FRS2: variants seen among roughly 807,000 people sequenced by gnomAD.
FRS2 encodes FGFR signalling adaptor.
In FRS2, 8 loss-of-function variants were observed where a neutral mutation model predicts 43.9. The observed-to-expected ratio is 0.18, with a 90% confidence interval of 0.11 to 0.33. The LOEUF (loss-of-function observed/expected upper bound fraction) is 0.33. Among genes scored for constraint, FRS2 ranks in the 10% least tolerant of loss-of-function variants. FRS2 has a pLI of 1.00. For synonymous variants in FRS2, 219 were observed against 220.3 expected (o/e 0.99, Z 0.05); for missense variants, 534 against 627.6 (o/e 0.85, Z 1.59).
At position 69,485,176 on chromosome 12, in the gene FRS2, TTTA is replaced by T. The variant is rs939435221; in HGVS notation, c.-261+14649_-261+14651del. On this transcript the variant is annotated intron_variant, in intron 1 of 8. Coordinates refer to ENST00000549921, the MANE Select transcript of FRS2 (RefSeq NM_001278356.2). ...AACTCTTAAAACAGAAGTTTACTTA[TTTA>T]TTTATTTATTTATTTATTTTTGAGA... Among the ~76,000 whole-genome samples the T allele has an allele frequency of 9.4e-5, 4 of 42,446 alleles. No homozygotes were observed. In the African/African-American group the frequency reaches 2.8e-3, roughly 30 times the overall value. 27.8% of individuals were successfully genotyped at this position (42,446 alleles called of 152,430 possible).
chr12:69,557,619 T>TGCGCGCGCGCGC (rs529133007), intron 3 of FRS2, among the ~76,000 whole-genome samples: 42 of 118,960 alleles, frequency 3.5e-4, no homozygotes, highest in African/African-American at 9.1e-4. Flanking sequence ...TGTGTGTGTG[T>TGCGCGCGCGCGC]GCGCGCGCGC....
At chr12:69,520,376 G>GTTTTTT (rs112572825) in intron 1 of FRS2, among the ~76,000 whole-genome samples, 11 of 110,026 alleles carry the variant, frequency 1.0e-4, no homozygotes, top group Non-Finnish European at 1.6e-4. Flanking sequence ...TCTATTATTA[G>GTTTTTT]TTTTTTTTTT....
intron 1 of FRS2, among the ~76,000 whole-genome samples, chr12:69,495,850 T>G (rs1413239060): frequency 6.6e-6 from 1 of 152,138 alleles, no homozygotes; most frequent in Non-Finnish European, 1.5e-5. Context: ...GAGGATTGAT[T>G]GAGCCTAGGA....
chr12:69,572,311 AATG>A lies in FRS2; in HGVS notation c.576+33_576+35del, dbSNP rs764091932. 8.5e-5 allele frequency: 134 copies of A among 1,571,158 alleles called. 1 individual carries two copies. Among genetic ancestry groups the A allele is most frequent in the South Asian group, 7.5e-4 (67 of 89,470 alleles). ...GCATGTGCTACTGTGTAACAGCAAT[AATG>A]ATTGTTCAGAGTTAGGGTATCACTG... On this transcript the variant is annotated intron_variant, in intron 8 of 8. Transcript: ENST00000549921.
intron 1 of FRS2, among the ~76,000 whole-genome samples, chr12:69,491,855 C>T (rs1014195707): frequency 3.9e-5 from 6 of 152,080 alleles, no homozygotes; most frequent in South Asian, 4.2e-4. Flanking sequence ...ATATTTTGCC[C>T]GTGCAAGTAC....
At chr12:69,561,843 T>C (rs1879904782) in intron 3 of FRS2, among the ~76,000 whole-genome samples, 1 of 152,146 alleles carries the variant, frequency 6.6e-6, no homozygotes, top group Non-Finnish European at 1.5e-5. Flanking sequence ...GAATGGAACC[T>C]TAGAGGTGGT....
At chr12:69,508,182 A>AT (rs1225461213) in intron 1 of FRS2, among the ~76,000 whole-genome samples, 2 of 152,146 alleles carry the variant, frequency 1.3e-5, no homozygotes, top group African/African-American at 4.8e-5. Context: ...ATCATTTGAC[A>AT]TTCAGACTTA....
chr12:69,535,056 A>G (rs1877145409), intron 3 of FRS2, among the ~76,000 whole-genome samples: 1 of 152,160 alleles, frequency 6.6e-6, no homozygotes, highest in Non-Finnish European at 1.5e-5. Flanking sequence ...TTTCAGAATG[A>G]TTTGGAAATT....
rs764482280 is a variant in FRS2, at chr12:69,574,804, C to T, written c.1376C>T (p.Pro459Leu). Residue 459 changes from proline to leucine, a missense_variant, in exon 9 of 9, where the codon CCC (proline) becomes CTC (leucine). By Grantham distance (98) the Pro-to-Leu change is moderately conservative. Coordinates refer to ENST00000549921, the MANE Select transcript of FRS2 (RefSeq NM_001278356.2). ...NPQTPKTPTT[P>L]LPQTPTRRTE... Reference sequence around the variant, plus strand: ...CAGACTCCAAAAACGCCTACAACTCCCCTTCCACAAACCCCTACCAGGCGC... The same window carrying T: ...CAGACTCCAAAAACGCCTACAACTCTCCTTCCACAAACCCCTACCAGGCGC... The T allele has an allele frequency of 7.4e-6, 12 of 1,613,980 alleles. 1 individual carries two copies. The East Asian group carries it at 2.7e-4, about 36-fold the overall frequency.
chr12:69,542,973 T>A (rs1197822197), intron 3 of FRS2, among the ~76,000 whole-genome samples: 2 of 152,142 alleles, frequency 1.3e-5, no homozygotes, highest in African/African-American at 4.8e-5. Flanking sequence ...TCTTCAGGAG[T>A]TACATCTGCT....
intron 1 of FRS2, among the ~76,000 whole-genome samples, chr12:69,501,620 G>A (rs1181862205): frequency 6.6e-6 from 1 of 152,206 alleles, no homozygotes; most frequent in African/African-American, 2.4e-5. Flanking sequence ...CAAATTAGAT[G>A]TTAAGTGTTA....
chr12:69,485,133 A>ACACACACT (rs1871774928), intron 1 of FRS2, among the ~76,000 whole-genome samples: 1 of 146,778 alleles, frequency 6.8e-6, no homozygotes, highest in Non-Finnish European at 1.5e-5. Context: ...ACACACACAC[A>ACACACACT]CACTCTCACC....
intron 1 of FRS2, among the ~76,000 whole-genome samples, chr12:69,525,410 C>G (rs148749333): frequency 2.0e-5 from 3 of 152,206 alleles, no homozygotes; most frequent in East Asian, 1.9e-4. Flanking sequence ...TATCTATGTG[C>G]TCTGTGATCT....
At chr12:69,569,199 C>G in intron 5 of FRS2, 103 bp downstream of exon 5, 1 of 623,484 alleles carries the variant, frequency 1.6e-6, no homozygotes, top group East Asian at 3.0e-5. Context: ...CCAAACCTTT[C>G]TATTTCCCTT....
rs1555189565 is a variant in FRS2, at chr12:69,538,197, T to TATA, written c.-122+6141_-122+6142insATA. ...AATAATAAAATTAAAAAAACAAATT[T>TATA]TATATATATATATATATATATATAT... On this transcript the variant is annotated intron_variant, in intron 3 of 8. Transcript: ENST00000549921. Among the ~76,000 whole-genome samples the TATA allele has an allele frequency of 4.5e-3, 365 of 81,612 alleles. 7 individuals carry two copies. The highest frequency in any genetic ancestry group is 0.019 in the African/African-American group (346 of 18,134). 53.5% of individuals were successfully genotyped at this position (81,612 alleles called of 152,430 possible).
At position 69,546,311 on chromosome 12, in the gene FRS2, G is replaced by A. The variant is rs1083015; in HGVS notation, c.-122+14255G>A. 9.5e-3 allele frequency among the ~76,000 whole-genome samples: 1,447 copies of A among 152,066 alleles called. 26 individuals carry two copies. The highest frequency in any genetic ancestry group is 0.033 in the African/African-American group (1,364 of 41,494). ...CTCGCTGTATTGCTCAGGCTGGAGC[G>A]CAGTGGTGTGATCTCGGCTCACTGC... On this transcript the variant is annotated intron_variant, in intron 3 of 8. Coordinates refer to ENST00000549921, the MANE Select transcript of FRS2 (RefSeq NM_001278356.2).
At position 69,575,328 on chromosome 12, in the gene FRS2, C is replaced by G; in HGVS notation, c.*373C>G. On this transcript the variant is annotated 3_prime_UTR_variant, in exon 9 of 9. Coordinates refer to ENST00000549921, the MANE Select transcript of FRS2 (RefSeq NM_001278356.2). ...TAAAGCCTCTTGACAATGTACATTG[C>G]TAACAGGTAACTATAGGCTTTGAAA... is the stretch of plus-strand genomic sequence containing the variant. The G allele has an allele frequency of 5.3e-6, 1 of 189,652 alleles. No homozygotes were observed. Among genetic ancestry groups the G allele is most frequent in the Admixed American group, 5.5e-5 (1 of 18,104 alleles). 11.7% of individuals were successfully genotyped at this position (189,652 alleles called of 1,614,324 possible).
At chr12:69,554,339 C>G (rs1388281692) in intron 3 of FRS2, among the ~76,000 whole-genome samples, 1 of 152,076 alleles carries the variant, frequency 6.6e-6, no homozygotes. Flanking sequence ...CATCTAGTCT[C>G]TTTTTGTGGG....
chr12:69,570,607 C>A, intron 6 of FRS2, 90 bp downstream of exon 6: 1 of 780,408 alleles, frequency 1.3e-6, no homozygotes, highest in Non-Finnish European at 2.1e-6. Context: ...TATTTTTCTT[C>A]TGAAAAAAAT....
Sources: gnomAD v4.1 joint callset for allele counts (sites outside exome capture counted in the v4.1 genomes callset) on GRCh38, gnomAD v4.1.1 for gene constraint, MANE v1.5 for transcripts, NCBI Gene and HGNC (gene_info 2026-07-23, HGNC 2026-07-21) for gene names.